The following AP2A2 variants were observed in gnomAD, a reference collection of about 807,000 sequenced individuals.
AP2A2 encodes AP-2 complex subunit alpha-2.
A neutral mutation model predicts 104.2 loss-of-function variants in AP2A2; 32 were observed. The observed-to-expected ratio is 0.31, with a 90% CI of 0.23 to 0.41. AP2A2 has a LOEUF of 0.41. Among genes scored for constraint, AP2A2 ranks in the 10% least tolerant of loss-of-function variants. The probability of loss-of-function intolerance (pLI) is 1.00; values close to 1 mark genes in which losing one functional copy is unlikely to be tolerated. For synonymous variants in AP2A2, 539 were observed against 533.3 expected (o/e 1.01, Z -0.15); for missense variants, 912 against 1,261.0 (o/e 0.72, Z 4.19).
rs915562648 is a variant in AP2A2, at chr11:1,000,445, C to T, written c.1970C>T (p.Pro657Leu). 4.8e-5 allele frequency: 74 copies of T among 1,543,696 alleles called. 1 individual carries two copies. The highest frequency in any genetic ancestry group is 4.0e-4 in the Middle Eastern group (2 of 4,954). Residue 657 changes from proline to leucine, a missense_variant, in exon 15 of 22, where the codon CCG becomes CTG. Physicochemically the swap from Pro to Leu is moderately conservative, Grantham distance 98 (BLOSUM62 -3). Coordinates refer to ENST00000448903, the MANE Select transcript of AP2A2 (RefSeq NM_012305.4). Reference protein sequence around the residue: ...ASTSAVSTPSPSADLLGLGAA... With the variant: ...ASTSAVSTPSLSADLLGLGAA... ...CTTCTCTTCCAGTCTACGCCTTCTC[C>T]GTCGGCAGACCTGCTGGGTCTCGGG...
intron 8 of AP2A2, 43 bp downstream of exon 8, chr11:985,625 C>T (rs1473416787): frequency 1.2e-6 from 2 of 1,612,130 alleles, no homozygotes; most frequent in South Asian, 1.1e-5. Flanking sequence ...CGCGCACACA[C>T]ACACGTTCCT....
Position 977,086 on chromosome 11 carries a change from G to A in AP2A2, c.474-9G>A, listed in dbSNP as rs1031201339. 2 of 1,613,480 alleles carry A rather than the reference G, an allele frequency of 1.2e-6. No homozygotes were observed. The highest frequency in any genetic ancestry group is 1.7e-4 in the Middle Eastern group (1 of 6,060). ...CTGTTGCGAGTGACTCTTGACGTCT[G>A]TCTTTCAGAGACACTATGGACAGCG... On this transcript the variant is annotated splice_polypyrimidine_tract_variant and intron_variant, in intron 4 of 21. Transcript: ENST00000448903.
At chr11:977,294 C>T in intron 5 of AP2A2, 70 bp downstream of exon 5, 2 of 1,511,290 alleles carry the variant, frequency 1.3e-6, no homozygotes, top group Non-Finnish European at 1.8e-6. Context: ...GTGAAGACAC[C>T]ATGGTGCGCC....
chr11:939,260 A>C (rs1853566265), intron 1 of AP2A2, among the ~76,000 whole-genome samples: 2 of 151,896 alleles, frequency 1.3e-5, no homozygotes, highest in Non-Finnish European at 2.9e-5. Flanking sequence ...AAAAAAAAAA[A>C]AAAAAAGGTT....
chr11:967,154 A>C (rs1041670286), intron 2 of AP2A2, among the ~76,000 whole-genome samples: 4 of 151,966 alleles, frequency 2.6e-5, no homozygotes, highest in South Asian at 2.1e-4. Flanking sequence ...GCAGCAGAGC[A>C]AGACTGTCTG....
chr11:926,147 G>A, intron 1 of AP2A2, 59 bp downstream of exon 1: 2 of 1,161,498 alleles, frequency 1.7e-6, no homozygotes, highest in Middle Eastern at 2.4e-4. Context: ...ACGGGGTCTG[G>A]GAGCGGAGGC....
chr11:1,010,278 G>A (rs1856378465), intron 21 of AP2A2: 2 of 565,676 alleles, frequency 3.5e-6, no homozygotes, highest in East Asian at 2.8e-5. Flanking sequence ...CCTGTGTGTG[G>A]TTAGTGCTGC....
chr11:968,472 C>T lies in AP2A2; in HGVS notation c.137-1697C>T, dbSNP rs60516595. Reference sequence around the variant, plus strand: ...CATCCCCGTCCCCATCCCTGTCCCACAAAACTCAGCCCAGTCGGGCCGCTG... The same window carrying T: ...CATCCCCGTCCCCATCCCTGTCCCATAAAACTCAGCCCAGTCGGGCCGCTG... On this transcript the variant is annotated intron_variant, in intron 2 of 21. Transcript: ENST00000448903. The surrounding 1 kb of genome is among the most constrained non-coding windows in gnomAD (Gnocchi z 4.2). Among the ~76,000 whole-genome samples, 140 of 152,320 alleles carry T rather than the reference C, an allele frequency of 9.2e-4. 1 individual carries two copies. Among genetic ancestry groups the T allele is most frequent in the Middle Eastern group, 3.4e-3 (1 of 294 alleles).
chr11:975,128 C>T (rs867916225), intron 4 of AP2A2, among the ~76,000 whole-genome samples: 26 of 152,304 alleles, frequency 1.7e-4, no homozygotes, highest in Admixed American at 3.9e-4. Flanking sequence ...CGGGAGGCAG[C>T]GGCCAAGGCA....
chr11:1,005,132 C>T (rs1332227870), intron 16 of AP2A2, among the ~76,000 whole-genome samples: 5 of 152,286 alleles, frequency 3.3e-5, no homozygotes, highest in African/African-American at 7.2e-5. Context: ...GGTCTGTCGA[C>T]GCAGTGGAAT....
At chr11:981,371 T>A in intron 6 of AP2A2, 72 bp downstream of exon 6, 1 of 1,255,814 alleles carries the variant, frequency 8.0e-7, no homozygotes, top group Non-Finnish European at 1.1e-6. Flanking sequence ...AGCTTATTTG[T>A]AGAATGCAAG....
At chr11:994,391 C>T in intron 14 of AP2A2, 146 bp downstream of exon 14, 1 of 1,021,966 alleles carries the variant, frequency 9.8e-7, no homozygotes, top group Admixed American at 2.7e-5. Flanking sequence ...CTGTCCTGTC[C>T]TGGGGGCCAC....
At chr11:1,007,234 A>G (rs908388441) in intron 17 of AP2A2, 4 of 153,784 alleles carry the variant, frequency 2.6e-5, no homozygotes, top group African/African-American at 7.2e-5. Context: ...GAGTGAAGCA[A>G]CATCCTCCTT....
intron 5 of AP2A2, among the ~76,000 whole-genome samples, chr11:979,884 C>G (rs1855183537): frequency 2.0e-5 from 3 of 152,190 alleles, no homozygotes; most frequent in Admixed American, 2.0e-4. Context: ...ACTTCCTGAG[C>G]TCACTGTTTA....
chr11:1,010,349 C>G, intron 21 of AP2A2, 199 bp from the exon 22 acceptor site: 1 of 595,630 alleles, frequency 1.7e-6, no homozygotes, highest in African/African-American at 1.9e-5. Flanking sequence ...CAGCTACGTA[C>G]GAGACGCCAG....
intron 1 of AP2A2, among the ~76,000 whole-genome samples, chr11:937,251 C>G (rs1853488560): frequency 6.6e-6 from 1 of 151,984 alleles, no homozygotes; most frequent in Non-Finnish European, 1.5e-5. Flanking sequence ...AACTCCCGAC[C>G]TTAGGTGATC....
intron 4 of AP2A2, among the ~76,000 whole-genome samples, chr11:973,053 C>T (rs887016372): frequency 1.3e-5 from 2 of 152,224 alleles, no homozygotes; most frequent in Non-Finnish European, 2.9e-5. Flanking sequence ...CCTGTGTGTT[C>T]CAGGATACCC....
At chr11:988,782 A>T in intron 10 of AP2A2, 93 bp downstream of exon 10, 1 of 1,495,548 alleles carries the variant, frequency 6.7e-7, no homozygotes, top group Non-Finnish European at 9.2e-7. Flanking sequence ...GTCCAGCAGG[A>T]CTTGATTGAG....
chr11:960,099 C>T (rs1242650528), intron 2 of AP2A2, among the ~76,000 whole-genome samples: 4 of 152,140 alleles, frequency 2.6e-5, no homozygotes, highest in African/African-American at 9.7e-5. Flanking sequence ...CTGAAATTGC[C>T]CAGGCACAAT....
Sources: allele counts gnomAD v4.1 joint callset (sites outside exome capture counted in the v4.1 genomes callset), GRCh38; gene constraint gnomAD v4.1.1; non-coding constraint Gnocchi (gnomAD v3.1); transcripts MANE v1.5; gene names NCBI Gene and HGNC (gene_info 2026-07-23, HGNC 2026-07-21).